Variants in DACT1 observed in about 807,000 individuals in gnomAD.
DACT1 encodes the protein dishevelled binding antagonist of beta catenin 1.
A neutral mutation model predicts 35.3 loss-of-function variants in DACT1; 19 were observed. That is an observed-to-expected ratio of 0.54 (90% CI 0.38 to 0.79). The LOEUF is 0.79. DACT1 is among the 30% of genes least tolerant of loss of function. DACT1 has a pLI of 0.00. For synonymous variants in DACT1, 545 were observed against 466.7 expected (o/e 1.17, Z -2.16); for missense variants, 1,143 against 1,057.5 (o/e 1.08, Z -1.12).
chr14:58,639,703 A>ACAAGAG (rs1478091502), intron 1 of DACT1, among the ~76,000 whole-genome samples: 5 of 152,252 alleles, frequency 3.3e-5, no homozygotes, highest in African/African-American at 1.2e-4. Flanking sequence ...AAGTCAAAAG[A>ACAAGAG]CAAGAGGCGT....
chr14:58,636,945 A>G (rs1446679261), upstream of DACT1, among the ~76,000 whole-genome samples: 1 of 152,166 alleles, frequency 6.6e-6, no homozygotes, highest in African/African-American at 2.4e-5. Context: ...GAGAAAAGCT[A>G]CAACTCATAT....
Position 58,639,043 on chromosome 14 carries a change from G to T in DACT1, c.345+496G>T, listed in dbSNP as rs752201998. The T allele has an allele frequency of 4.1e-5, 40 of 985,374 alleles. No individual in the cohort carries two copies. The East Asian group carries it at 4.0e-3, about 98-fold the overall frequency. The allele number at this position is 985,374 out of a possible 1,614,324, so 61.0% of individuals were successfully genotyped here. On this transcript the variant is annotated intron_variant, in intron 1 of 3. Coordinates refer to ENST00000395153, the MANE Select transcript of DACT1 (RefSeq NM_001079520.2). The stretch of plus-strand genomic sequence containing the variant: ...CCGAGTTTTACGATTACACTGGAGC[G>T]CCTGTAGGGAGCCGTGCCTCTCCGA...
upstream of DACT1, among the ~76,000 whole-genome samples, chr14:58,635,619 A>T (rs1272743472): frequency 2.0e-5 from 3 of 151,324 alleles, no homozygotes; most frequent in African/African-American, 7.3e-5. Context: ...TCATGGAGAT[A>T]TACAAGCTGT....
chr14:58,638,207 A>G lies in DACT1; in HGVS notation c.5A>G (p.Lys2Arg). 7.5e-7 allele frequency: 1 copy of G among 1,334,084 alleles called. No individual in the cohort carries two copies. Among genetic ancestry groups the G allele is most frequent in the South Asian group, 1.9e-5 (1 of 53,594 alleles). 82.6% of individuals were successfully genotyped at this position (1,334,084 alleles called of 1,614,324 possible). M[K>R]PSPAGTAKEL... is the part of the protein sequence containing the mutation. ...CTCGCTGCCCGACTGGGGGCCATGA[A>G]GCCGAGTCCGGCCGGGACGGCGAAG... Residue 2 changes from lysine (K) to arginine (R), a missense_variant, in exon 1 of 4, where the codon AAG becomes AGG. Lys to Arg is a conservative substitution (Grantham distance 26). This residue lies in a region of DACT1 where 85 missense variants were observed against 81.8 expected (regional missense o/e 1.04). Coordinates refer to ENST00000395153, the MANE Select transcript of DACT1 (RefSeq NM_001079520.2).
rs1322099910 is a variant in DACT1 at position 58,646,358 on chromosome 14, G to C, written c.1624G>C (p.Val542Leu). 1.9e-6 allele frequency: 3 copies of C among 1,606,196 alleles called. No individual in the cohort carries two copies. Among genetic ancestry groups the C allele is most frequent in the Admixed American group, 3.5e-5 (2 of 56,872 alleles). Residue 542 changes from valine to leucine, a missense_variant, in exon 4 of 4, where the codon GTG becomes CTG. Physicochemically the swap from Val to Leu is conservative, Grantham distance 32. Transcript: ENST00000395153. The part of the protein sequence containing the change: ...LHRGHRNMGV[V>L]KNSSLKHRGP... ...CCGGGGCCACAGGAACATGGGCGTC[G>C]TGAAGAACTCCAGCCTGAAGCACCG...
upstream of DACT1, among the ~76,000 whole-genome samples, chr14:58,637,819 G>C (rs2047585864): frequency 6.6e-6 from 1 of 151,778 alleles, no homozygotes; most frequent in Non-Finnish European, 1.5e-5. Context: ...AGGAGGAGGC[G>C]GCTCTGGGGG....
At chr14:58,643,689 T>A (rs2047648028) in intron 3 of DACT1, among the ~76,000 whole-genome samples, 1 of 152,178 alleles carries the variant, frequency 6.6e-6, no homozygotes, top group Non-Finnish European at 1.5e-5. Context: ...CTCACATAAT[T>A]GAGACAGTTG....
chr14:58,645,584 C>T lies in DACT1; in HGVS notation c.850C>T (p.Pro284Ser), dbSNP rs1191859146. The T allele has an allele frequency of 1.2e-6, 2 of 1,614,064 alleles. No homozygotes were observed. Among genetic ancestry groups the T allele is most frequent in the Non-Finnish European group, 1.7e-6 (2 of 1,180,046 alleles). ...LDAVKTDSSL[P>S]SPSSLWSASH... ...TGCCGTCAAAACAGACAGTTCCTTA[C>T]CGTCCCCAAGCAGTCTGTGGTCTGC... Residue 284 changes from proline (P) to serine (S), a missense_variant, in exon 4 of 4, where the codon CCG becomes TCG. Physicochemically the swap from Pro to Ser is moderately conservative, Grantham distance 74 (BLOSUM62 -1). Around this residue, in one of 3 missense-constraint regions of DACT1, gnomAD observed 1,054 missense variants for 958.8 expected, o/e 1.10. Coordinates refer to ENST00000395153, the MANE Select transcript of DACT1 (RefSeq NM_001079520.2).
At chr14:58,644,522 T>C (rs748854477) in intron 3 of DACT1, among the ~76,000 whole-genome samples, 9 of 152,172 alleles carry the variant, frequency 5.9e-5, no homozygotes, top group Non-Finnish European at 1.3e-4. Flanking sequence ...TGAGCCATCA[T>C]ACCTGGCCCC....
At position 58,646,807 on chromosome 14, in the gene DACT1, C is replaced by G. The variant is rs753915293; in HGVS notation, c.2073C>G (p.Ala691=). The G allele has an allele frequency of 6.2e-7, 1 of 1,614,140 alleles. No individual in the cohort carries two copies. The highest frequency in any genetic ancestry group is 8.5e-7 in the Non-Finnish European group (1 of 1,180,022). ...TGGCTAGCGACTCCGAGTACTCGGC[C>G]GAGTGCGAGTCCCTGTTCCACTCCA... The part of the protein sequence containing the change: ...AYVASDSEYS[A]ECESLFHSTV... Residue 691 remains alanine, a synonymous_variant, in exon 4 of 4, where the codon GCC becomes GCG. Coordinates refer to ENST00000395153, the MANE Select transcript of DACT1 (RefSeq NM_001079520.2).
At chr14:58,635,910 C>A (rs561268855), upstream of DACT1, among the ~76,000 whole-genome samples, 5 of 152,216 alleles carry the variant, frequency 3.3e-5, no homozygotes, top group South Asian at 1.0e-3. Flanking sequence ...TAGAAATGAG[C>A]AGAATGAAAC....
At chr14:58,641,852 C>T in intron 3 of DACT1, 105 bp downstream of exon 3, 13 of 1,140,446 alleles carry the variant, frequency 1.1e-5, no homozygotes. Context: ...AATGAAGGTT[C>T]ATCACTTTGC....
At position 58,638,300 on chromosome 14, in the gene DACT1, A is replaced by G; in HGVS notation, c.98A>G (p.Glu33Gly). Residue 33 changes from glutamate (E) to glycine (G), a missense_variant, in exon 1 of 4, where the codon GAG becomes GGG. Glu to Gly is a moderately conservative substitution (Grantham distance 98). Around this residue, in one of 3 missense-constraint regions of DACT1, gnomAD observed 85 missense variants for 81.8 expected, o/e 1.04. Coordinates refer to ENST00000395153, the MANE Select transcript of DACT1 (RefSeq NM_001079520.2). ...GCGGAGCCCGAGGGGCGCTGGCGGG[A>G]GAAGGGCGAGGCAGACACCGAGCGG... ...RTAEPEGRWREKGEADTERQR... is the reference protein window; with the variant it reads ...RTAEPEGRWRGKGEADTERQR... The G allele has an allele frequency of 7.4e-7, 1 of 1,342,758 alleles. No homozygotes were observed. 83.2% of individuals were successfully genotyped at this position (1,342,758 alleles called of 1,614,324 possible).
rs144580784 is a variant in DACT1, at chr14:58,646,247, A to T, written c.1513A>T (p.Ser505Cys). 2.1e-4 allele frequency: 334 copies of T among 1,613,880 alleles called. No individual in the cohort carries two copies. The highest frequency in any genetic ancestry group is 2.6e-4 in the Non-Finnish European group (308 of 1,179,968). The change falls in exon 4 of 4, where the codon AGC becomes TGC. Residue 505 changes from serine (S) to cysteine (C), a missense_variant. Coordinates refer to ENST00000395153, the MANE Select transcript of DACT1 (RefSeq NM_001079520.2). ...AGAGAGGCCTGCCTTGGATTTCAAG[A>T]GCGAGGGCTCTTCCCAAAGCCTGGA... is the stretch of plus-strand genomic sequence containing the variant. ...VEERPALDFK[S>C]EGSSQSLEEA...
chr14:58,634,097 T>C (rs57018978), upstream of DACT1: 9,021 of 152,262 alleles, frequency 0.059, 900 homozygotes, highest in African/African-American at 0.2. Context: ...AGCAGGAGCC[T>C]CTTGAAAAAC....
chr14:58,639,795 T>C (rs1566506709), intron 1 of DACT1, among the ~76,000 whole-genome samples: 1 of 152,138 alleles, frequency 6.6e-6, no homozygotes, highest in Non-Finnish European at 1.5e-5. Flanking sequence ...ACTGTGCTGC[T>C]TCGGTCACAG....
chr14:58,640,990 CA>C, intron 2 of DACT1, 122 bp downstream of exon 2: 2 of 1,088,786 alleles, frequency 1.8e-6, no homozygotes, highest in Non-Finnish European at 1.3e-6. Context: ...AGAGGATAAA[CA>C]AAAAAGAAGT....
At chr14:58,645,312 G>A (rs747961093) in intron 3 of DACT1, 57 bp from the exon 4 acceptor site, 41 of 1,614,108 alleles carry the variant, frequency 2.5e-5, no homozygotes, top group Non-Finnish European at 3.3e-5. Flanking sequence ...CAGGCCTCAG[G>A]GGCAGTTTGC....
Position 58,647,015 on chromosome 14 carries a change from G to A in DACT1, c.2281G>A (p.Ala761Thr). ...GACTCTGCCCATTCAAACGGTAACGGCCCCAGACCTTCACAACCACCCCGC... is the reference window on the plus strand; with the variant it reads ...GACTCTGCCCATTCAAACGGTAACGACCCCAGACCTTCACAACCACCCCGC... The part of the protein sequence containing the change: ...VQTLPIQTVT[A>T]PDLHNHPAKT... Residue 761 changes from alanine to threonine, a missense_variant, in exon 4 of 4, where the codon GCC (alanine) becomes ACC (threonine). This residue lies in a region of DACT1 where 1,054 missense variants were observed against 958.8 expected (regional missense o/e 1.10). Transcript: ENST00000395153. 6.2e-7 allele frequency: 1 copy of A among 1,614,122 alleles called. No homozygotes were observed. Among genetic ancestry groups the A allele is most frequent in the Non-Finnish European group, 8.5e-7 (1 of 1,180,030 alleles).
Sources: allele counts gnomAD v4.1 joint callset (sites outside exome capture counted in the v4.1 genomes callset), GRCh38; gene constraint gnomAD v4.1.1; regional missense constraint gnomAD v4.1.1; transcripts MANE v1.5; gene names NCBI Gene and HGNC (gene_info 2026-07-23, HGNC 2026-07-21).